Variants in CHRM3 observed in about 807,000 individuals in gnomAD.
CHRM3 encodes cholinergic receptor muscarinic 3.
A neutral mutation model predicts 41.8 loss-of-function variants in CHRM3; 11 were observed. That is an observed-to-expected ratio of 0.26 (90% CI 0.17 to 0.44). The LOEUF (loss-of-function observed/expected upper bound fraction) is 0.44, where lower values mean the gene tolerates loss of function less well. Ranked by LOEUF, CHRM3 falls within the 20% of genes least tolerant of loss-of-function variation. The pLI, the probability that CHRM3 is intolerant of heterozygous loss-of-function variation, is 1.00. For missense variants in CHRM3, 571 were observed against 745.4 expected, an observed-to-expected ratio of 0.77 and a Z score of 2.72; for synonymous variants, 297 against 301.4, an observed-to-expected ratio of 0.99 and a Z score of 0.15.
At chr1:239,788,303 G>A (rs551115837) in intron 5 of CHRM3, among the ~76,000 whole-genome samples, 10 of 152,186 alleles carry the variant, frequency 6.6e-5, no homozygotes, top group African/African-American at 2.4e-4. Context: ...CTCATGTAGA[G>A]CAAATATTTT....
intron 2 of CHRM3, among the ~76,000 whole-genome samples, chr1:239,532,764 G>A (rs749930784): frequency 2.2e-4 from 33 of 152,018 alleles, no homozygotes; most frequent in Admixed American, 6.6e-5. Flanking sequence ...TGATTAAGAA[G>A]AATACCCTCT....
chr1:239,409,085 T>G (rs964576656), intron 1 of CHRM3, among the ~76,000 whole-genome samples: 1 of 152,236 alleles, frequency 6.6e-6, no homozygotes, highest in Admixed American at 6.5e-5. Flanking sequence ...CTTCAAATAT[T>G]GTTAAACATG....
intron 4 of CHRM3, among the ~76,000 whole-genome samples, chr1:239,651,134 T>C (rs538289758): frequency 6.6e-6 from 1 of 152,292 alleles, no homozygotes; most frequent in African/African-American, 2.4e-5. Context: ...GTAACTTACG[T>C]TGGAGATCCC....
intron 6 of CHRM3, among the ~76,000 whole-genome samples, chr1:239,828,203 T>G (rs979568343): frequency 1.3e-5 from 2 of 152,076 alleles, no homozygotes; most frequent in Admixed American, 1.3e-4. Context: ...CACATAGATA[T>G]AGACACATAC....
intron 2 of CHRM3, among the ~76,000 whole-genome samples, chr1:239,527,071 G>A (rs1227662946): frequency 2.0e-5 from 3 of 152,134 alleles, no homozygotes; most frequent in Non-Finnish European, 4.4e-5. Flanking sequence ...GCTATAGTGA[G>A]CCATGATCAC....
chr1:239,898,043 C>T (rs1339643428), intron 6 of CHRM3: 2 of 152,220 alleles, frequency 1.3e-5, no homozygotes, highest in South Asian at 4.2e-4. Context: ...AATTTTATTC[C>T]GGTTTTGGTG....
At chr1:239,780,718 C>G (rs1572269870) in intron 5 of CHRM3, among the ~76,000 whole-genome samples, 1 of 152,010 alleles carries the variant, frequency 6.6e-6, no homozygotes, top group East Asian at 1.9e-4. Context: ...TCCTTCGTTA[C>G]GTTCTAGAAG....
At chr1:239,667,059 C>G (rs1348277572) in intron 4 of CHRM3, among the ~76,000 whole-genome samples, 1 of 152,144 alleles carries the variant, frequency 6.6e-6, no homozygotes, top group Non-Finnish European at 1.5e-5. Context: ...CTTCTCAAAT[C>G]ACTCTGTTAG....
In CHRM3 at chr1:239,836,313, G is replaced by T. The variant is rs148297232; in HGVS notation, c.-20+8935G>T. Reference sequence around the variant, plus strand: ...GAGGAGGTGTGTTTTTCTCCATTCTGTTACATAATCAAGCATCCGAGCCTG... The same window carrying T: ...GAGGAGGTGTGTTTTTCTCCATTCTTTTACATAATCAAGCATCCGAGCCTG... On this transcript the variant is annotated intron_variant, in intron 6 of 6. Transcript: ENST00000676153. Among the ~76,000 whole-genome samples the T allele has an allele frequency of 6.5e-3, 982 of 152,218 alleles. 7 individuals are homozygous for T. The highest frequency in any genetic ancestry group is 0.014 in the South Asian group (69 of 4,824).
intron 3 of CHRM3, among the ~76,000 whole-genome samples, chr1:239,571,212 G>A (rs528585822): frequency 1.6e-4 from 24 of 152,200 alleles, no homozygotes; most frequent in Non-Finnish European, 3.4e-4. Flanking sequence ...ATGCAAAAGT[G>A]GACAAGCATC....
At chr1:239,891,173 A>T (rs1388602118) in intron 6 of CHRM3, among the ~76,000 whole-genome samples, 2 of 152,152 alleles carry the variant, frequency 1.3e-5, no homozygotes, top group Admixed American at 1.3e-4. Flanking sequence ...TGAACTTATC[A>T]GGGCAAGGGA....
At chr1:239,718,421 A>G (rs1442464500) in intron 5 of CHRM3, among the ~76,000 whole-genome samples, 1 of 152,028 alleles carries the variant, frequency 6.6e-6, no homozygotes, top group African/African-American at 2.4e-5. Context: ...TGACTTCTGA[A>G]GGACCAGGGC....
At chr1:239,813,285 T>A (rs1053934351) in intron 5 of CHRM3, among the ~76,000 whole-genome samples, 5 of 151,830 alleles carry the variant, frequency 3.3e-5, no homozygotes, top group Admixed American at 2.0e-4. Context: ...CTCAAAAAAA[T>A]AAATAAATAA....
chr1:239,432,288 T>G (rs1035651063), intron 1 of CHRM3, among the ~76,000 whole-genome samples: 1 of 152,142 alleles, frequency 6.6e-6, no homozygotes, highest in Admixed American at 6.5e-5. Context: ...AAACAGCATG[T>G]TTTTTGTTGG....
chr1:239,415,966 G>A (rs1328462272), intron 1 of CHRM3, among the ~76,000 whole-genome samples: 1 of 152,176 alleles, frequency 6.6e-6, no homozygotes, highest in African/African-American at 2.4e-5. Flanking sequence ...AGGAAGAAAA[G>A]CAGACCCTGA....
chr1:239,413,353 G>A (rs1661258083), intron 1 of CHRM3, among the ~76,000 whole-genome samples: 2 of 152,024 alleles, frequency 1.3e-5, no homozygotes, highest in Admixed American at 6.6e-5. Context: ...GCAGTGGTGG[G>A]ATCTTAGCTC....
At position 239,691,652 on chromosome 1, in the gene CHRM3, C is replaced by T. The variant is rs553243246; in HGVS notation, c.-147+13364C>T. The stretch of plus-strand genomic sequence containing the variant: ...CAGTTTTAAATGTTATATATTGTTC[C>T]TACGGAGAAAACAGCCACTCATAAA... On this transcript the variant is annotated intron_variant, in intron 5 of 6. Coordinates refer to ENST00000676153, the MANE Select transcript of CHRM3 (RefSeq NM_001375978.1). 5.3e-5 allele frequency among the ~76,000 whole-genome samples: 8 copies of T among 152,214 alleles called. No homozygotes were observed. In the South Asian group the frequency reaches 1.7e-3, roughly 32 times the overall value.
rs1231875034 is a variant in CHRM3, at chr1:239,748,102, A to AACAG, written c.-147+69818_-147+69821dup. On this transcript the variant is annotated intron_variant, in intron 5 of 6. Transcript: ENST00000676153. The surrounding 1 kb of genome is among the most constrained non-coding windows in gnomAD (Gnocchi z 4.3). Reference sequence around the variant, plus strand: ...AGTAAGGAAAAGCCCTTACAATTTGAACAGACACCCTATAGATATCACTGT... The same window carrying AACAG: ...AGTAAGGAAAAGCCCTTACAATTTGAACAGACAGACACCCTATAGATATCACTGT... Among the ~76,000 whole-genome samples the AACAG allele has an allele frequency of 6.6e-6, 1 of 152,208 alleles. No homozygotes were observed. The highest frequency in any genetic ancestry group is 6.5e-5 in the Admixed American group (1 of 15,284).
intron 3 of CHRM3, among the ~76,000 whole-genome samples, chr1:239,562,969 T>C (rs901713346): frequency 3.3e-5 from 5 of 151,422 alleles, no homozygotes; most frequent in African/African-American, 1.2e-4. Flanking sequence ...ATGTTACAGG[T>C]AGCGAAATGG....
Sources: gnomAD v4.1 joint callset for allele counts (sites outside exome capture counted in the v4.1 genomes callset) on GRCh38, gnomAD v4.1.1 for gene constraint, Gnocchi (gnomAD v3.1) non-coding constraint, MANE v1.5 for transcripts, NCBI Gene and HGNC (gene_info 2026-07-23, HGNC 2026-07-21) for gene names.